Variants in ABLIM2 observed in about 807,000 individuals in gnomAD.
ABLIM2 encodes actin-binding LIM protein 2.
A neutral mutation model predicts 97.7 loss-of-function variants in ABLIM2; 53 were observed. The observed-to-expected ratio is 0.54, with a 90% CI of 0.44 to 0.68. ABLIM2 has a LOEUF of 0.68. ABLIM2 is among the 30% of genes least tolerant of loss of function. ABLIM2 has a pLI of 0.00. For missense variants in ABLIM2, 835 were observed against 867.2 expected, an observed-to-expected ratio of 0.96 and a Z score of 0.47; for synonymous variants, 361 against 345.8, an observed-to-expected ratio of 1.04 and a Z score of -0.49.
In ABLIM2 at chr4:8,069,397, G is replaced by A. The variant is rs1318336698; in HGVS notation, c.675+8231C>T. Among the ~76,000 whole-genome samples, 3 of 152,240 alleles carry A rather than the reference G, an allele frequency of 2.0e-5. No individual in the cohort carries two copies. The highest frequency in any genetic ancestry group is 2.9e-5 in the Non-Finnish European group (2 of 68,044). On this transcript the variant is annotated intron_variant, in intron 6 of 20. Transcript: ENST00000447017. The surrounding 1 kb of genome is among the most constrained non-coding windows in gnomAD (Gnocchi z 4.2). ...CACGCACTGCAGCGTGTCCAGGCTC[G>A]GAGGGTCCCACCACGAAGACAGTGA...
At position 8,123,662 on chromosome 4, in the gene ABLIM2, C is replaced by T. The variant is rs1434041890; in HGVS notation, c.11-17025G>A. On this transcript the variant is annotated intron_variant, in intron 1 of 20. Transcript: ENST00000447017. The surrounding 1 kb of genome is among the most constrained non-coding windows in gnomAD (Gnocchi z 6.2). ...GCATGACAGAGGCAGCCAGCCCCTG[C>T]CTTAAAGCGGGTCTCCTGGGGGCGT... is the stretch of plus-strand genomic sequence containing the variant. 6.6e-6 allele frequency among the ~76,000 whole-genome samples: 1 copy of T among 152,174 alleles called. No homozygotes were observed. Among genetic ancestry groups the T allele is most frequent in the African/African-American group, 2.4e-5 (1 of 41,436 alleles).
At chr4:8,092,251 G>A (rs758182307) in intron 3 of ABLIM2, among the ~76,000 whole-genome samples, 1 of 151,914 alleles carries the variant, frequency 6.6e-6, no homozygotes, top group Non-Finnish European at 1.5e-5. Flanking sequence ...GCCCACCTCA[G>A]CCTCCCAAAG....
chr4:8,092,214 T>G (rs555387314), intron 3 of ABLIM2, among the ~76,000 whole-genome samples: 71 of 151,850 alleles, frequency 4.7e-4, no homozygotes, highest in African/African-American at 1.5e-3. Flanking sequence ...GCCGGGCTGG[T>G]CTCGAACTCC....
At chr4:8,017,683 T>C (rs964071314) in intron 14 of ABLIM2, among the ~76,000 whole-genome samples, 3 of 152,182 alleles carry the variant, frequency 2.0e-5, no homozygotes, top group African/African-American at 7.2e-5. Flanking sequence ...GAATCATATA[T>C]AGCCAGATTT....
intron 6 of ABLIM2, among the ~76,000 whole-genome samples, chr4:8,065,878 C>G (rs531188760): frequency 6.9e-6 from 1 of 144,554 alleles, no homozygotes. Context: ...GAGCTGAGAT[C>G]GCGCCACTGT....
intron 1 of ABLIM2, among the ~76,000 whole-genome samples, chr4:8,114,286 C>G (rs1051547594): frequency 1.3e-5 from 2 of 152,186 alleles, no homozygotes; most frequent in Admixed American, 6.5e-5. Flanking sequence ...GCCACACACA[C>G]CCTGTGCCAG....
intron 11 of ABLIM2, 30 bp downstream of exon 11, chr4:8,029,626 G>T (rs887662956): frequency 2.0e-6 from 3 of 1,466,682 alleles, no homozygotes; most frequent in Non-Finnish European, 2.7e-6. Context: ...CAGCATCCTG[G>T]GGGCTCAGAG....
In ABLIM2 at chr4:8,058,722, C is replaced by T. The variant is rs528327061; in HGVS notation, c.763+2245G>A. Among the ~76,000 whole-genome samples the T allele has an allele frequency of 6.6e-6, 1 of 152,246 alleles. No homozygotes were observed. The highest frequency in any genetic ancestry group is 1.5e-5 in the Non-Finnish European group (1 of 68,012). ...CTTCTCAATTAGGCCTCGAACTTTGCCCAGGTCTCCACCATCACCCTCCCA... is the reference window on the plus strand; with the variant it reads ...CTTCTCAATTAGGCCTCGAACTTTGTCCAGGTCTCCACCATCACCCTCCCA... On this transcript the variant is annotated intron_variant, in intron 7 of 20. Coordinates refer to ENST00000447017, the MANE Select transcript of ABLIM2 (RefSeq NM_001130083.2). The surrounding 1 kb of genome is among the most constrained non-coding windows in gnomAD (Gnocchi z 4.2).
chr4:8,042,865 T>C (rs1227962695), intron 9 of ABLIM2, among the ~76,000 whole-genome samples: 2 of 138,772 alleles, frequency 1.4e-5, no homozygotes, highest in Non-Finnish European at 3.1e-5. Context: ...AAAAGAACAG[T>C]GTTGGCCAGA....
chr4:8,104,871 T>C (rs1836465661), intron 2 of ABLIM2, among the ~76,000 whole-genome samples: 1 of 152,182 alleles, frequency 6.6e-6, no homozygotes, highest in Admixed American at 6.5e-5. Context: ...ACACAGTCTT[T>C]AGACTGCGCC....
chr4:8,052,729 G>T (rs922868297), intron 8 of ABLIM2, among the ~76,000 whole-genome samples: 1 of 152,216 alleles, frequency 6.6e-6, no homozygotes, highest in African/African-American at 2.4e-5. Flanking sequence ...CTGCAGCTTC[G>T]CTCAGACGGG....
At chr4:7,973,884 G>A (rs1730391530) in intron 20 of ABLIM2, among the ~76,000 whole-genome samples, 1 of 152,198 alleles carries the variant, frequency 6.6e-6, no homozygotes, top group African/African-American at 2.4e-5. Context: ...TAGTCTAGAT[G>A]CTGCTGTGAA....
intron 1 of ABLIM2, among the ~76,000 whole-genome samples, chr4:8,135,742 G>C (rs1415005654): frequency 6.6e-6 from 1 of 152,224 alleles, no homozygotes; most frequent in Non-Finnish European, 1.5e-5. Context: ...AGATGACGCG[G>C]GTTCCGAAGG....
chr4:7,981,900 C>G (rs1291950838), intron 20 of ABLIM2, among the ~76,000 whole-genome samples: 1 of 146,390 alleles, frequency 6.8e-6, no homozygotes, highest in Non-Finnish European at 1.6e-5. Flanking sequence ...GGACGTACTT[C>G]CTATCTGGGG....
At position 7,972,431 on chromosome 4, in the gene ABLIM2, C is replaced by A. The variant is rs141076543; in HGVS notation, c.1825-5328G>T. Among the ~76,000 whole-genome samples, 3 of 152,352 alleles carry A rather than the reference C, an allele frequency of 2.0e-5. No homozygotes were observed. In the East Asian group the frequency reaches 5.8e-4, roughly 29 times the overall value. On this transcript the variant is annotated intron_variant, in intron 20 of 20. Coordinates refer to ENST00000447017, the MANE Select transcript of ABLIM2 (RefSeq NM_001130083.2). Reference sequence around the variant, plus strand: ...CTAGATTGCGCTCACCAAGCAGGCCCTGGGGCTATGCTGTGTCCCTCAAGG... The same window carrying A: ...CTAGATTGCGCTCACCAAGCAGGCCATGGGGCTATGCTGTGTCCCTCAAGG...
chr4:8,059,985 C>T (rs943698888), intron 7 of ABLIM2, among the ~76,000 whole-genome samples: 2 of 151,732 alleles, frequency 1.3e-5, no homozygotes, highest in African/African-American at 4.8e-5. Context: ...CCTGTGTGTC[C>T]TCATTTCTCT....
chr4:8,017,591 A>G (rs1204673584), intron 14 of ABLIM2, among the ~76,000 whole-genome samples: 1 of 152,208 alleles, frequency 6.6e-6, no homozygotes, highest in Non-Finnish European at 1.5e-5. Flanking sequence ...CCCGGCTTAC[A>G]GCAAAATTTT....
At chr4:8,089,812 T>C (rs1468766120) in intron 3 of ABLIM2, among the ~76,000 whole-genome samples, 3 of 147,208 alleles carry the variant, frequency 2.0e-5, no homozygotes, top group African/African-American at 5.0e-5. Flanking sequence ...GAGGAGACAA[T>C]GCATTCATTG....
At chr4:8,079,765 T>C (rs956675473) in intron 5 of ABLIM2, among the ~76,000 whole-genome samples, 29 of 150,164 alleles carry the variant, frequency 1.9e-4, no homozygotes, top group African/African-American at 6.8e-4. Context: ...TGCGTGCGTG[T>C]GTGTGTGTGT....
Sources: gnomAD v4.1 joint callset for allele counts (sites outside exome capture counted in the v4.1 genomes callset) on GRCh38, gnomAD v4.1.1 for gene constraint, Gnocchi (gnomAD v3.1) non-coding constraint, MANE v1.5 for transcripts, NCBI Gene and HGNC (gene_info 2026-07-23, HGNC 2026-07-21) for gene names.